Variants in ZNF385D observed in about 807,000 individuals in gnomAD.
ZNF385D encodes zinc finger protein 385D.
In ZNF385D, 15 loss-of-function variants were observed where a neutral mutation model predicts 35.8. The observed-to-expected ratio is 0.42, with a 90% CI of 0.28 to 0.64. ZNF385D has a LOEUF of 0.64. Ranked by LOEUF, ZNF385D falls within the 30% of genes least tolerant of loss-of-function variation. The pLI is 0.23. For synonymous variants in ZNF385D, 212 were observed against 186.8 expected (o/e 1.13, Z -1.10); for missense variants, 474 against 494.6 (o/e 0.96, Z 0.39).
At chr3:22,304,251 A>G (rs772236569) in intron 2 of ZNF385D, among the ~76,000 whole-genome samples, 69 of 152,186 alleles carry the variant, frequency 4.5e-4, no homozygotes, top group Non-Finnish European at 8.5e-4. Flanking sequence ...TTAATCAGAA[A>G]TGTGTTTTGA....
intron 4 of ZNF385D, among the ~76,000 whole-genome samples, chr3:21,496,073 A>G (rs1705819971): frequency 6.6e-6 from 1 of 151,798 alleles, no homozygotes; most frequent in Non-Finnish European, 1.5e-5. Flanking sequence ...GGTAACCCCA[A>G]AAAGCCCAGG....
chr3:22,355,471 AAATAG>A (rs1696108643), intron 2 of ZNF385D, among the ~76,000 whole-genome samples: 1 of 152,140 alleles, frequency 6.6e-6, no homozygotes, highest in African/African-American at 2.4e-5. Context: ...ATAATAAATA[AAATAG>A]GAGTATACAA....
At chr3:22,195,152 A>C (rs921654101) in intron 2 of ZNF385D, among the ~76,000 whole-genome samples, 1 of 151,836 alleles carries the variant, frequency 6.6e-6, no homozygotes, top group Non-Finnish European at 1.5e-5. Context: ...TACTTTTTAA[A>C]GTTTTAGACA....
At position 22,168,310 on chromosome 3, in the gene ZNF385D, T is replaced by TCTA. The variant is rs200987220; in HGVS notation, c.325+504_325+506dup. Among the ~76,000 whole-genome samples, 999 of 152,270 alleles carry TCTA rather than the reference T, an allele frequency of 6.6e-3. 10 individuals carry two copies. Among genetic ancestry groups the TCTA allele is most frequent in the African/African-American group, 0.023 (938 of 41,560 alleles). The stretch of plus-strand genomic sequence containing the variant: ...TTCAACACATACTTTTAAAAAGTAG[T>TCTA]CTAAAGTTATTAAATAAACCATAAA... On this transcript the variant is annotated intron_variant, in intron 3 of 5. Transcript: ENST00000494108.
chr3:21,989,142 C>A (rs6802331), intron 3 of ZNF385D, among the ~76,000 whole-genome samples: 2 of 152,100 alleles, frequency 1.3e-5, no homozygotes, highest in South Asian at 4.1e-4. Flanking sequence ...GAGCTGTAGA[C>A]CGGAGCTGTT....
chr3:21,850,673 C>T (rs946612447), intron 3 of ZNF385D, among the ~76,000 whole-genome samples: 1 of 152,052 alleles, frequency 6.6e-6, no homozygotes, highest in Non-Finnish European at 1.5e-5. Flanking sequence ...AGAACTCACA[C>T]GTGGTTGAGA....
In ZNF385D at chr3:21,982,955, G is replaced by A. The variant is rs142458641; in HGVS notation, c.325+185862C>T. On this transcript the variant is annotated intron_variant, in intron 3 of 5. Coordinates refer to the ZNF385D transcript ENST00000494108. ...GGGATGAAGCCTACTTGATCATAGCGGATTAGCTTTCTGATGTGCTGCTGA... is the reference window on the plus strand; with the variant it reads ...GGGATGAAGCCTACTTGATCATAGCAGATTAGCTTTCTGATGTGCTGCTGA... Among the ~76,000 whole-genome samples the A allele has an allele frequency of 2.7e-3, 413 of 151,976 alleles. 1 individual carries two copies. The highest frequency in any genetic ancestry group is 9.1e-3 in the African/African-American group (378 of 41,476).
chr3:21,822,681 A>T (rs192806046), intron 3 of ZNF385D, among the ~76,000 whole-genome samples: 4 of 152,324 alleles, frequency 2.6e-5, no homozygotes, highest in African/African-American at 9.6e-5. Flanking sequence ...AAAGAAGCCA[A>T]ATGCATAGTT....
At chr3:22,059,827 T>C (rs1045768255) in intron 3 of ZNF385D, among the ~76,000 whole-genome samples, 27 of 152,188 alleles carry the variant, frequency 1.8e-4, no homozygotes, top group African/African-American at 6.5e-4. Context: ...TAAAACATTA[T>C]TTCTGGGTGT....
At chr3:22,159,834 C>A (rs190376320) in intron 3 of ZNF385D, among the ~76,000 whole-genome samples, 1 of 151,982 alleles carries the variant, frequency 6.6e-6, no homozygotes, top group East Asian at 1.9e-4. Context: ...GGCCTCCCCT[C>A]GGCTGAACTT....
chr3:21,799,572 T>C (rs1283624344), intron 3 of ZNF385D, among the ~76,000 whole-genome samples: 2 of 152,168 alleles, frequency 1.3e-5, no homozygotes, highest in African/African-American at 2.4e-5. Context: ...ATATCTTCTT[T>C]GGAGGAAAGG....
At chr3:22,245,437 C>G (rs1188956165) in intron 2 of ZNF385D, among the ~76,000 whole-genome samples, 1 of 142,584 alleles carries the variant, frequency 7.0e-6, no homozygotes, top group Non-Finnish European at 1.5e-5. Flanking sequence ...GAGGTAGTGT[C>G]ATGGACTCAG....
At chr3:21,821,261 A>T (rs1410345074) in intron 3 of ZNF385D, among the ~76,000 whole-genome samples, 3 of 152,166 alleles carry the variant, frequency 2.0e-5, no homozygotes. Flanking sequence ...CGTTGAGCAC[A>T]CTAAATGCAG....
chr3:21,811,125 T>C (rs2072903364), intron 3 of ZNF385D, among the ~76,000 whole-genome samples: 1 of 152,012 alleles, frequency 6.6e-6, no homozygotes, highest in African/African-American at 2.4e-5. Flanking sequence ...ATAAAAATAA[T>C]CTCAAATCTT....
intron 1 of ZNF385D, among the ~76,000 whole-genome samples, chr3:21,742,507 G>C (rs945479473): frequency 2.0e-5 from 3 of 152,308 alleles, no homozygotes; most frequent in Admixed American, 2.0e-4. Context: ...AGACGTAGAG[G>C]CTAAAGCCTG....
intron 2 of ZNF385D, among the ~76,000 whole-genome samples, chr3:22,327,208 C>A (rs893632460): frequency 1.3e-5 from 2 of 152,072 alleles, no homozygotes; most frequent in Non-Finnish European, 2.9e-5. Context: ...CCATAAAAAT[C>A]CATTCGAAAA....
intron 3 of ZNF385D, among the ~76,000 whole-genome samples, chr3:21,554,490 G>C (rs558386569): frequency 6.6e-6 from 1 of 152,124 alleles, no homozygotes; most frequent in Admixed American, 6.5e-5. Context: ...AAGGGCCCTA[G>C]GATTTTTGGA....
intron 3 of ZNF385D, among the ~76,000 whole-genome samples, chr3:22,132,795 C>G (rs1320058021): frequency 6.6e-6 from 1 of 151,930 alleles, no homozygotes; most frequent in African/African-American, 2.4e-5. Context: ...TATATTTATA[C>G]TTAATTGTGA....
At chr3:21,767,189 A>G (rs2070866909) in intron 3 of ZNF385D, among the ~76,000 whole-genome samples, 1 of 152,020 alleles carries the variant, frequency 6.6e-6, no homozygotes. Flanking sequence ...TCTTAGAGAA[A>G]TGCAAGGACA....
Sources: allele counts gnomAD v4.1 joint callset (sites outside exome capture counted in the v4.1 genomes callset), GRCh38; gene constraint gnomAD v4.1.1; transcripts MANE v1.5; gene names NCBI Gene and HGNC (gene_info 2026-07-23, HGNC 2026-07-21).